The following CSNK1G1 variants were observed in gnomAD, a reference collection of about 807,000 sequenced individuals.
CSNK1G1 encodes the protein casein kinase 1 gamma 1.
CSNK1G1 carries 22 observed loss-of-function variants against 59.6 expected under a neutral mutation model. The observed-to-expected ratio is 0.37, with a 90% CI of 0.26 to 0.53. CSNK1G1 has a LOEUF of 0.53. Among genes scored for constraint, CSNK1G1 ranks in the 20% least tolerant of loss-of-function variants. The pLI, the probability that CSNK1G1 is intolerant of heterozygous loss-of-function variation, is 0.89. For synonymous variants in CSNK1G1, 179 were observed against 177.1 expected (o/e 1.01, Z -0.08); for missense variants, 384 against 519.5 (o/e 0.74, Z 2.54).
intron 4 of CSNK1G1, among the ~76,000 whole-genome samples, chr15:64,218,874 A>G (rs1336151714): frequency 1.0e-5 from 1 of 98,266 alleles, no homozygotes; most frequent in Non-Finnish European, 2.0e-5. Context: ...TTTTTTTTTT[A>G]CATGGAGTTT....
intron 1 of CSNK1G1, among the ~76,000 whole-genome samples, chr15:64,301,416 T>C (rs910157157): frequency 2.6e-5 from 4 of 151,880 alleles, no homozygotes; most frequent in African/African-American, 9.7e-5. Flanking sequence ...CTACCAGAAT[T>C]CTGCAGTGTC....
At chr15:64,303,916 C>CA (rs66651513) in intron 1 of CSNK1G1, among the ~76,000 whole-genome samples, 7 of 95,188 alleles carry the variant, frequency 7.4e-5, no homozygotes, top group African/African-American at 2.9e-4. Context: ...AGGCCCTGTC[C>CA]AAAAAAAAAA....
intron 4 of CSNK1G1, among the ~76,000 whole-genome samples, chr15:64,238,516 A>T (rs868187642): frequency 0.024 from 2,144 of 87,664 alleles, 9 homozygotes; most frequent in African/African-American, 0.038. Flanking sequence ...AAAAAAAAAA[A>T]AAATATATAT....
At chr15:64,241,765 A>G (rs1030584603) in intron 4 of CSNK1G1, among the ~76,000 whole-genome samples, 1 of 152,072 alleles carries the variant, frequency 6.6e-6, no homozygotes, top group African/African-American at 2.4e-5. Context: ...AAAAGTAGAG[A>G]TTTCAAATAA....
At chr15:64,331,930 T>C (rs1334565386) in intron 1 of CSNK1G1, among the ~76,000 whole-genome samples, 35 of 147,278 alleles carry the variant, frequency 2.4e-4, no homozygotes, top group South Asian at 8.7e-4. Context: ...AAAATGCTCA[T>C]CATCACTGGC....
intron 4 of CSNK1G1, among the ~76,000 whole-genome samples, chr15:64,242,246 A>G (rs1307855523): frequency 6.6e-6 from 1 of 152,222 alleles, no homozygotes; most frequent in Non-Finnish European, 1.5e-5. Context: ...GGCTTCTGAT[A>G]TAGTTCAAAT....
chr15:64,201,104 T>C (rs1376732129), intron 10 of CSNK1G1, among the ~76,000 whole-genome samples: 1 of 151,824 alleles, frequency 6.6e-6, no homozygotes, highest in Admixed American at 6.6e-5. Flanking sequence ...AAACCTCATC[T>C]CTAATAAAAA....
chr15:64,242,630 G>A lies in CSNK1G1; in HGVS notation c.292+8882C>T, dbSNP rs150046426. Among the ~76,000 whole-genome samples the A allele has an allele frequency of 8.1e-4, 123 of 152,126 alleles. 1 individual carries two copies. In the East Asian group the frequency reaches 0.022, roughly 27 times the overall value. The stretch of plus-strand genomic sequence containing the variant: ...TAGCAATGCAAGAATGGCCTAATAC[G>A]GCTTCACTACTGAATTCAACCAGAT... On this transcript the variant is annotated intron_variant, in intron 4 of 11. Coordinates refer to ENST00000303052, the MANE Select transcript of CSNK1G1 (RefSeq NM_022048.5).
chr15:64,179,424 T>C (rs1801836408), intron 11 of CSNK1G1, among the ~76,000 whole-genome samples: 1 of 152,120 alleles, frequency 6.6e-6, no homozygotes, highest in South Asian at 2.1e-4. Context: ...CTCATGAGAC[T>C]ACTTAGGTAC....
chr15:64,274,950 A>AT (rs1484711134), intron 2 of CSNK1G1, among the ~76,000 whole-genome samples: 1 of 152,218 alleles, frequency 6.6e-6, no homozygotes, highest in Non-Finnish European at 1.5e-5. Flanking sequence ...TTAGTAGTTA[A>AT]AACAAGTAAC....
chr15:64,191,885 T>G (rs1484070522), intron 10 of CSNK1G1, among the ~76,000 whole-genome samples: 2 of 152,250 alleles, frequency 1.3e-5, no homozygotes, highest in Non-Finnish European at 2.9e-5. Context: ...TGTTAAATTC[T>G]AGGGCTACTG....
intron 10 of CSNK1G1, among the ~76,000 whole-genome samples, chr15:64,190,577 G>T (rs2081957275): frequency 6.6e-6 from 1 of 152,000 alleles, no homozygotes. Flanking sequence ...ACCATGCCTG[G>T]CTAATTTTGT....
chr15:64,307,701 G>C (rs1895753635), intron 1 of CSNK1G1, among the ~76,000 whole-genome samples: 1 of 151,974 alleles, frequency 6.6e-6, no homozygotes, highest in African/African-American at 2.4e-5. Context: ...TTTTGTTTTT[G>C]TTTGAGACGG....
intron 4 of CSNK1G1, among the ~76,000 whole-genome samples, chr15:64,248,764 C>T (rs1891898486): frequency 6.6e-6 from 1 of 152,122 alleles, no homozygotes; most frequent in African/African-American, 2.4e-5. Context: ...GCAGGCAGAT[C>T]ACGAGGTCAG....
intron 10 of CSNK1G1, among the ~76,000 whole-genome samples, chr15:64,184,030 G>A (rs555039497): frequency 7.2e-5 from 11 of 152,256 alleles, no homozygotes; most frequent in Non-Finnish European, 1.3e-4. Flanking sequence ...ATGGCCGGGT[G>A]CAGTGGCTCA....
At chr15:64,327,510 G>C (rs1404696218) in intron 1 of CSNK1G1, among the ~76,000 whole-genome samples, 2 of 140,038 alleles carry the variant, frequency 1.4e-5, no homozygotes, top group East Asian at 4.3e-4. Context: ...CATCCACACC[G>C]AAAACCCATC....
intron 2 of CSNK1G1, among the ~76,000 whole-genome samples, chr15:64,299,109 C>A (rs567395391): frequency 2.9e-4 from 44 of 152,066 alleles, no homozygotes; most frequent in African/African-American, 8.2e-4. Context: ...ACCACTCCCC[C>A]CAAAGGGCCA....
intron 1 of CSNK1G1, among the ~76,000 whole-genome samples, chr15:64,310,359 C>G (rs932317159): frequency 6.6e-6 from 1 of 151,358 alleles, no homozygotes. Context: ...GGAAAAGGGA[C>G]ATATGTGAAA....
At chr15:64,295,555 T>C (rs1894975181) in intron 2 of CSNK1G1, among the ~76,000 whole-genome samples, 1 of 152,170 alleles carries the variant, frequency 6.6e-6, no homozygotes, top group Non-Finnish European at 1.5e-5. Context: ...CAATTCAGCC[T>C]TTCTTGAGTA....
Sources: allele counts gnomAD v4.1 joint callset (sites outside exome capture counted in the v4.1 genomes callset), GRCh38; gene constraint gnomAD v4.1.1; transcripts MANE v1.5; gene names NCBI Gene and HGNC (gene_info 2026-07-23, HGNC 2026-07-21).